CACNG3: variants seen among roughly 807,000 people sequenced by gnomAD.
CACNG3 encodes the protein calcium voltage-gated channel auxiliary subunit gamma 3.
In CACNG3, 3 loss-of-function variants were observed where a neutral mutation model predicts 28.5. The observed-to-expected ratio is 0.11, with a 90% CI of 0.05 to 0.27. CACNG3 has a LOEUF of 0.27. CACNG3 is among the 10% of genes least tolerant of loss of function. The probability of loss-of-function intolerance (pLI) is 1.00; values close to 1 mark genes in which losing one functional copy is unlikely to be tolerated. For missense variants in CACNG3, 236 were observed against 414.4 expected (o/e 0.57, Z 3.74); for synonymous variants, 174 against 162.2 (o/e 1.07, Z -0.55).
chr16:24,286,671 C>T (rs1017425225), intron 1 of CACNG3, among the ~76,000 whole-genome samples: 5 of 152,128 alleles, frequency 3.3e-5, no homozygotes, highest in African/African-American at 9.7e-5. Flanking sequence ...ACATGTCTTC[C>T]GTCTTACTCT....
At chr16:24,278,943 A>T (rs980163889) in intron 1 of CACNG3, among the ~76,000 whole-genome samples, 1 of 152,234 alleles carries the variant, frequency 6.6e-6, no homozygotes, top group Non-Finnish European at 1.5e-5. Flanking sequence ...AGCAAAAGTT[A>T]GAGAGATGAA....
chr16:24,351,415 T>A (rs1434579073), intron 2 of CACNG3, among the ~76,000 whole-genome samples: 2 of 151,582 alleles, frequency 1.3e-5, no homozygotes, highest in Admixed American at 1.3e-4. Context: ...CAACTAAAAA[T>A]ACAAAAATTA....
chr16:24,267,475 A>G (rs1898628610), intron 1 of CACNG3, among the ~76,000 whole-genome samples: 1 of 151,940 alleles, frequency 6.6e-6, no homozygotes, highest in Admixed American at 6.6e-5. Flanking sequence ...TTTTGTAGAG[A>G]TGGGGTCTTG....
Position 24,361,849 on chromosome 16 carries a change from A to G in CACNG3, c.934A>G (p.Thr312Ala), listed in dbSNP as rs759533995. The stretch of plus-strand genomic sequence containing the variant: ...GCATAATAATCCGGCCAACAGGCGC[A>G]CCACGCCCGTCTGAACTGACCTCTG... Reference protein sequence around the residue: ...SLHNNPANRRTTPV With the variant: ...SLHNNPANRRATPV The change falls in exon 4 of 4, where the codon ACC (threonine) becomes GCC (alanine). Residue 312 changes from threonine (T) to alanine (A), a missense_variant. Physicochemically the swap from Thr to Ala is moderately conservative, Grantham distance 58. Coordinates refer to ENST00000005284, the MANE Select transcript of CACNG3 (RefSeq NM_006539.4). This position sits in a 1 kb window ranked among gnomAD's most constrained non-coding sequence, Gnocchi z 6.8. The G allele has an allele frequency of 6.2e-7, 1 of 1,607,152 alleles. No individual in the cohort carries two copies. Among genetic ancestry groups the G allele is most frequent in the Non-Finnish European group, 8.5e-7 (1 of 1,179,016 alleles).
At chr16:24,266,732 C>T (rs1386190525) in intron 1 of CACNG3, among the ~76,000 whole-genome samples, 1 of 152,114 alleles carries the variant, frequency 6.6e-6, no homozygotes, top group East Asian at 1.9e-4. Context: ...AGAAGCCCTC[C>T]AGCCTAAGAG....
intron 1 of CACNG3, among the ~76,000 whole-genome samples, chr16:24,311,517 A>G (rs1299589833): frequency 4.0e-5 from 6 of 151,680 alleles, no homozygotes; most frequent in Non-Finnish European, 8.8e-5. Flanking sequence ...TCAAAAAAAA[A>G]AAAAGTGCTA....
intron 1 of CACNG3, among the ~76,000 whole-genome samples, chr16:24,285,492 T>C (rs1006423259): frequency 1.3e-5 from 2 of 152,144 alleles, no homozygotes; most frequent in African/African-American, 2.4e-5. Flanking sequence ...CCTCAAAACG[T>C]ACACACATAC....
At chr16:24,271,752 G>A (rs1471891000) in intron 1 of CACNG3, among the ~76,000 whole-genome samples, 1 of 152,194 alleles carries the variant, frequency 6.6e-6, no homozygotes, top group Non-Finnish European at 1.5e-5. Context: ...CGCTGATAGA[G>A]TGCACCCAGG....
At chr16:24,302,087 T>C (rs1899120452) in intron 1 of CACNG3, among the ~76,000 whole-genome samples, 2 of 152,354 alleles carry the variant, frequency 1.3e-5, no homozygotes, top group South Asian at 4.1e-4. Flanking sequence ...TCAGAACCCG[T>C]AGGGCCTTGG....
intron 1 of CACNG3, among the ~76,000 whole-genome samples, chr16:24,324,829 T>C (rs1374173121): frequency 6.6e-5 from 10 of 152,244 alleles, no homozygotes; most frequent in Non-Finnish European, 1.5e-4. Context: ...AGGCCAGCCC[T>C]TCCTCTTCCC....
intron 1 of CACNG3, among the ~76,000 whole-genome samples, chr16:24,269,953 G>C (rs2283550): frequency 0.2 from 30,238 of 151,254 alleles, 3,053 homozygotes; most frequent in African/African-American, 0.22. Flanking sequence ...GGTGCAAACT[G>C]AGGAAAAGAA....
At chr16:24,358,758 A>C (rs1267140308) in intron 3 of CACNG3, among the ~76,000 whole-genome samples, 1 of 152,032 alleles carries the variant, frequency 6.6e-6, no homozygotes, top group Non-Finnish European at 1.5e-5. Context: ...ATCTCACTTC[A>C]ACCATTTTCT....
In CACNG3 at chr16:24,354,947, G is replaced by T; in HGVS notation, c.410G>T (p.Ser137Ile). ...FHRSRHNVIL[S>I]AGIFFVSAGL... ...CGCAGCAGACACAACGTCATTCTCA[G>T]CGCGGGCATCTTTTTTGTCTCTGCA... is the stretch of plus-strand genomic sequence containing the variant. The change falls in exon 3 of 4, where the codon AGC becomes ATC. Residue 137 changes from serine to isoleucine, a missense_variant. Ser to Ile is a moderately radical substitution (Grantham distance 142). Coordinates refer to ENST00000005284, the MANE Select transcript of CACNG3 (RefSeq NM_006539.4). 1 of 1,612,834 alleles carries T rather than the reference G, an allele frequency of 6.2e-7. No individual in the cohort carries two copies. Among genetic ancestry groups the T allele is most frequent in the Non-Finnish European group, 8.5e-7 (1 of 1,179,992 alleles).
At chr16:24,280,719 A>C (rs1393695650) in intron 1 of CACNG3, among the ~76,000 whole-genome samples, 1 of 151,036 alleles carries the variant, frequency 6.6e-6, no homozygotes, top group Admixed American at 6.6e-5. Flanking sequence ...GGGAGGCTGA[A>C]GCATGAAAAT....
intron 1 of CACNG3, among the ~76,000 whole-genome samples, chr16:24,258,088 G>A (rs1898492404): frequency 6.6e-6 from 1 of 152,158 alleles, no homozygotes; most frequent in African/African-American, 2.4e-5. Context: ...CGTTTCCTGT[G>A]TGGTCCCCTC....
chr16:24,271,464 C>CT (rs1898689732), intron 1 of CACNG3, among the ~76,000 whole-genome samples: 2 of 152,150 alleles, frequency 1.3e-5, no homozygotes. Context: ...ATCATTCTTG[C>CT]TGGGCAGCCC....
intron 1 of CACNG3, among the ~76,000 whole-genome samples, chr16:24,319,795 G>C (rs530605995): frequency 2.6e-5 from 4 of 151,018 alleles, no homozygotes; most frequent in Non-Finnish European, 5.9e-5. Context: ...TTTTTAAAGA[G>C]AGTCTCACTC....
intron 1 of CACNG3, among the ~76,000 whole-genome samples, chr16:24,330,732 C>A (rs903462026): frequency 1.5e-4 from 23 of 152,342 alleles, no homozygotes; most frequent in African/African-American, 5.3e-4. Context: ...ACCCAGGACA[C>A]TTGTTCTCTT....
chr16:24,295,567 C>G (rs1242413179), intron 1 of CACNG3, among the ~76,000 whole-genome samples: 1 of 152,098 alleles, frequency 6.6e-6, no homozygotes, highest in African/African-American at 2.4e-5. Flanking sequence ...AACTTTAATG[C>G]CAGGTGTGGT....
Sources: allele counts gnomAD v4.1 joint callset (sites outside exome capture counted in the v4.1 genomes callset), GRCh38; gene constraint gnomAD v4.1.1; non-coding constraint Gnocchi (gnomAD v3.1); transcripts MANE v1.5; gene names NCBI Gene and HGNC (gene_info 2026-07-23, HGNC 2026-07-21).